LRP2: variants seen among roughly 807,000 people sequenced by gnomAD.
LRP2 encodes low-density lipoprotein receptor-related protein 2.
LRP2 carries 172 observed loss-of-function variants against 531.0 expected under a neutral mutation model. The ratio of observed to expected loss-of-function variants is 0.32; its 90% CI spans 0.29 to 0.37. The LOEUF is 0.37. LRP2 is among the 10% of genes least tolerant of loss of function. The probability of loss-of-function intolerance (pLI) is 1.00; values close to 1 mark genes in which losing one functional copy is unlikely to be tolerated. For synonymous variants in LRP2, 1,992 were observed against 2,027.6 expected (o/e 0.98, Z 0.47); for missense variants, 5,167 against 5,868.3 (o/e 0.88, Z 3.90).
intron 62 of LRP2, among the ~76,000 whole-genome samples, chr2:169,163,672 G>T (rs1421751955): frequency 6.6e-6 from 1 of 151,122 alleles, no homozygotes; most frequent in Non-Finnish European, 1.5e-5. Context: ...CTGAGAGAAA[G>T]ATATAACCAA....
At chr2:169,146,428 T>C (rs1685914665) in intron 69 of LRP2, among the ~76,000 whole-genome samples, 1 of 152,166 alleles carries the variant, frequency 6.6e-6, no homozygotes, top group African/African-American at 2.4e-5. Flanking sequence ...TAGACATGAA[T>C]TAACATTGGT....
intron 20 of LRP2, 127 bp downstream of exon 20, chr2:169,247,251 C>A: frequency 9.5e-7 from 1 of 1,049,072 alleles, no homozygotes; most frequent in Non-Finnish European, 1.4e-6. Context: ...ATTATGTGAA[C>A]GACAAGAATA....
At chr2:169,152,340 C>A (rs1686173490) in intron 67 of LRP2, among the ~76,000 whole-genome samples, 1 of 152,024 alleles carries the variant, frequency 6.6e-6, no homozygotes, top group African/African-American at 2.4e-5. Context: ...ATTGTTCGTC[C>A]CCAAGATAAC....
chr2:169,240,409 G>A lies in LRP2; in HGVS notation c.4045+579C>T, dbSNP rs182748487. Among the ~76,000 whole-genome samples the A allele has an allele frequency of 1.1e-4, 17 of 152,292 alleles. No homozygotes were observed. In the East Asian group the frequency reaches 1.5e-3, roughly 14 times the overall value. On this transcript the variant is annotated intron_variant, in intron 25 of 78. Coordinates refer to ENST00000649046, the MANE Select transcript of LRP2 (RefSeq NM_004525.3). ...GTAAGAGTCATAACACAGAACATGC[G>A]TTAGAAAGGGAAGTAAGTTAATATA...
intron 8 of LRP2, among the ~76,000 whole-genome samples, chr2:169,290,602 G>A (rs1016049758): frequency 6.6e-6 from 1 of 152,114 alleles, no homozygotes; most frequent in Middle Eastern, 3.2e-3. Flanking sequence ...GGGTCAACAA[G>A]GCTAGGCTAG....
At chr2:169,140,595 G>A in intron 71 of LRP2, 50 bp from the exon 72 acceptor site, 1 of 1,426,386 alleles carries the variant, frequency 7.0e-7, no homozygotes, top group South Asian at 1.1e-5. Context: ...ACTCAGCAGA[G>A]TGCCCACACC....
chr2:169,286,039 C>T (rs1234490260), intron 9 of LRP2, among the ~76,000 whole-genome samples: 1 of 152,178 alleles, frequency 6.6e-6, no homozygotes, highest in Admixed American at 6.5e-5. Context: ...CAACAATTCC[C>T]CTAAAAATTC....
At chr2:169,168,018 A>AATATATATATATAGATATAT (rs1686846830) in intron 61 of LRP2, among the ~76,000 whole-genome samples, 2 of 68,186 alleles carry the variant, frequency 2.9e-5, no homozygotes, top group Non-Finnish European at 5.9e-5. Context: ...CAGGGTTTAA[A>AATATATATATATAGATATAT]ATATATATAT....
At chr2:169,330,332 A>G (rs1202991450) in intron 1 of LRP2, among the ~76,000 whole-genome samples, 4 of 152,210 alleles carry the variant, frequency 2.6e-5, no homozygotes, top group African/African-American at 7.2e-5. Context: ...TGCCTTTCCA[A>G]TAACCAAATG....
rs550394442 is a variant in LRP2, at chr2:169,269,113, C to A, written c.2320+1791G>T. On this transcript the variant is annotated intron_variant, in intron 16 of 78. Coordinates refer to ENST00000649046, the MANE Select transcript of LRP2 (RefSeq NM_004525.3). ...TCAGCAAAATAAAAGAGGACACAAA[C>A]AAATGGAAGAACAATCCATGCTCAT... 3.7e-3 allele frequency among the ~76,000 whole-genome samples: 560 copies of A among 152,276 alleles called. 3 individuals carry two copies. Among genetic ancestry groups the A allele is most frequent in the Non-Finnish European group, 4.5e-3 (304 of 68,028 alleles).
chr2:169,312,333 G>C (rs1684635977), intron 3 of LRP2, among the ~76,000 whole-genome samples: 1 of 152,116 alleles, frequency 6.6e-6, no homozygotes, highest in African/African-American at 2.4e-5. Context: ...TTTTGCAGTG[G>C]CTGGTACCAG....
intron 75 of LRP2, among the ~76,000 whole-genome samples, chr2:169,137,802 T>C (rs1158233342): frequency 6.6e-6 from 1 of 152,006 alleles, no homozygotes; most frequent in Non-Finnish European, 1.5e-5. Flanking sequence ...ACTTGGGAAT[T>C]GGGTCTGGGC....
intron 62 of LRP2, among the ~76,000 whole-genome samples, chr2:169,165,237 C>T (rs932089763): frequency 6.6e-6 from 1 of 152,096 alleles, no homozygotes; most frequent in African/African-American, 2.4e-5. Flanking sequence ...TAATTGGAGT[C>T]GGGGAAATGA....
intron 16 of LRP2, among the ~76,000 whole-genome samples, chr2:169,267,333 A>T (rs1201248253): frequency 6.6e-6 from 1 of 152,150 alleles, no homozygotes; most frequent in Non-Finnish European, 1.5e-5. Context: ...CACTTATTCC[A>T]AAATTGACCA....
chr2:169,339,970 A>G (rs941287426), intron 1 of LRP2, among the ~76,000 whole-genome samples: 1 of 152,210 alleles, frequency 6.6e-6, no homozygotes, highest in Admixed American at 6.5e-5. Context: ...ATACATCTAT[A>G]TGGTATGCAT....
At chr2:169,211,531 C>A (rs1460323354) in intron 37 of LRP2, among the ~76,000 whole-genome samples, 1 of 152,086 alleles carries the variant, frequency 6.6e-6, no homozygotes, top group Non-Finnish European at 1.5e-5. Context: ...TAGTAGTATA[C>A]CTTCTACCAT....
chr2:169,189,140 T>C (rs1317557329), intron 48 of LRP2, among the ~76,000 whole-genome samples: 1 of 152,174 alleles, frequency 6.6e-6, no homozygotes. Flanking sequence ...GTCTCACATA[T>C]GCATCAAGGA....
intron 76 of LRP2, among the ~76,000 whole-genome samples, chr2:169,133,668 C>T (rs2105329115): frequency 6.6e-6 from 1 of 152,272 alleles, no homozygotes; most frequent in South Asian, 2.1e-4. Flanking sequence ...GATACATGTT[C>T]GCAGTTGACA....
At chr2:169,223,207 G>A (rs960448381) in intron 33 of LRP2, among the ~76,000 whole-genome samples, 2 of 152,148 alleles carry the variant, frequency 1.3e-5, no homozygotes, top group African/African-American at 4.8e-5. Context: ...GTACCACACT[G>A]CATCAGGGCA....
Sources: gnomAD v4.1 joint callset for allele counts (sites outside exome capture counted in the v4.1 genomes callset) on GRCh38, gnomAD v4.1.1 for gene constraint, MANE v1.5 for transcripts, NCBI Gene and HGNC (gene_info 2026-07-23, HGNC 2026-07-21) for gene names.